PLXNA2: variants seen among roughly 807,000 people sequenced by gnomAD.
PLXNA2 encodes plexin-A2.
A neutral mutation model predicts 193.5 loss-of-function variants in PLXNA2; 91 were observed. That is an observed-to-expected ratio of 0.47 (90% CI 0.40 to 0.56). The LOEUF (loss-of-function observed/expected upper bound fraction) is 0.56. Among genes scored for constraint, PLXNA2 ranks in the 20% least tolerant of loss-of-function variants. The pLI is 0.00. For synonymous variants in PLXNA2, 997 were observed against 1,027.3 expected (o/e 0.97, Z 0.56); for missense variants, 1,995 against 2,503.2 (o/e 0.80, Z 4.33).
chr1:208,059,030 G>A (rs543133060), intron 13 of PLXNA2, among the ~76,000 whole-genome samples: 1 of 152,240 alleles, frequency 6.6e-6, no homozygotes, highest in East Asian at 1.9e-4. Context: ...CCATACCCTA[G>A]CCCTTTCCTT....
chr1:208,178,694 TG>T (rs1218774817), intron 3 of PLXNA2, among the ~76,000 whole-genome samples: 1 of 152,196 alleles, frequency 6.6e-6, no homozygotes, highest in Non-Finnish European at 1.5e-5. Flanking sequence ...TCCAGGAGGA[TG>T]CGAGGAGAAG....
intron 3 of PLXNA2, among the ~76,000 whole-genome samples, chr1:208,180,932 G>C (rs1488736666): frequency 2.0e-5 from 3 of 152,250 alleles, no homozygotes; most frequent in Admixed American, 1.3e-4. Flanking sequence ...GTCTCCCCCT[G>C]CCCAAGTTTG....
chr1:208,035,930 T>G (rs1469751244), intron 26 of PLXNA2, among the ~76,000 whole-genome samples: 1 of 152,160 alleles, frequency 6.6e-6, no homozygotes, highest in Non-Finnish European at 1.5e-5. Context: ...GCCTGGGAAG[T>G]TTTTTAACAT....
At chr1:208,030,518 AC>A in intron 29 of PLXNA2, 1 of 985,188 alleles carries the variant, frequency 1.0e-6, no homozygotes, top group Non-Finnish European at 1.2e-6. Flanking sequence ...CCCCAGGGCC[AC>A]CCCAGCCTGT....
At chr1:208,196,850 C>A (rs928949772) in intron 3 of PLXNA2, among the ~76,000 whole-genome samples, 1 of 151,922 alleles carries the variant, frequency 6.6e-6, no homozygotes, top group African/African-American at 2.4e-5. Flanking sequence ...GTGGCAAGGG[C>A]GGGGGTAGAT....
intron 13 of PLXNA2, among the ~76,000 whole-genome samples, chr1:208,055,611 AG>A (rs1665405249): frequency 6.6e-6 from 1 of 152,176 alleles, no homozygotes; most frequent in African/African-American, 2.4e-5. Flanking sequence ...GTGGGGAGTC[AG>A]AAAAACAGAC....
chr1:208,068,905 C>G (rs1186833943), intron 12 of PLXNA2, among the ~76,000 whole-genome samples: 1 of 152,216 alleles, frequency 6.6e-6, no homozygotes, highest in Non-Finnish European at 1.5e-5. Flanking sequence ...TGTGTTATTA[C>G]TTGGCCTTAA....
At chr1:208,132,906 C>T (rs1668201184) in intron 4 of PLXNA2, among the ~76,000 whole-genome samples, 1 of 152,090 alleles carries the variant, frequency 6.6e-6, no homozygotes, top group South Asian at 2.1e-4. Context: ...AGCAACTTGC[C>T]CAAGGTCACA....
intron 1 of PLXNA2, among the ~76,000 whole-genome samples, chr1:208,222,948 C>T (rs547276011): frequency 6.6e-6 from 1 of 152,270 alleles, no homozygotes; most frequent in South Asian, 2.1e-4. Context: ...CTGGAGCTGA[C>T]AGTTTTCATA....
At chr1:208,216,571 C>T (rs537165095) in intron 2 of PLXNA2, among the ~76,000 whole-genome samples, 164 bp downstream of exon 2, 11 of 152,328 alleles carry the variant, frequency 7.2e-5, no homozygotes, top group East Asian at 1.9e-4. Flanking sequence ...ATCTGGTGTA[C>T]GTAAGACCCT....
rs777914130 is a variant in PLXNA2, at chr1:208,121,053, C to T, written c.1507-17806G>A. ...TTGTTACTCATTCCTTAGCAGTAGACGCTTAATAACCGAAAAAGTAAAACA... is the reference window on the plus strand; with the variant it reads ...TTGTTACTCATTCCTTAGCAGTAGATGCTTAATAACCGAAAAAGTAAAACA... On this transcript the variant is annotated intron_variant, in intron 4 of 31. Transcript: ENST00000367033. Among the ~76,000 whole-genome samples, 29 of 152,272 alleles carry T rather than the reference C, an allele frequency of 1.9e-4. 1 individual carries two copies. Among genetic ancestry groups the T allele is most frequent in the Non-Finnish European group, 3.5e-4 (24 of 68,026 alleles).
chr1:208,146,944 G>A (rs1668620903), intron 3 of PLXNA2, among the ~76,000 whole-genome samples: 1 of 152,192 alleles, frequency 6.6e-6, no homozygotes. Context: ...GCTTGGACAA[G>A]GCTCAGCAGC....
intron 3 of PLXNA2, among the ~76,000 whole-genome samples, chr1:208,185,442 C>G (rs1425392807): frequency 6.6e-6 from 1 of 152,054 alleles, no homozygotes; most frequent in African/African-American, 2.4e-5. Flanking sequence ...CTATATATAT[C>G]TTTTCTTCTA....
chr1:208,173,332 A>G (rs962251421), intron 3 of PLXNA2, among the ~76,000 whole-genome samples: 2 of 152,218 alleles, frequency 1.3e-5, no homozygotes, highest in African/African-American at 4.8e-5. Flanking sequence ...AAAAGTCTGC[A>G]GTTCTATTTC....
intron 12 of PLXNA2, among the ~76,000 whole-genome samples, chr1:208,074,332 C>T (rs539791531): frequency 3.8e-4 from 58 of 152,324 alleles, no homozygotes; most frequent in African/African-American, 1.3e-3. Flanking sequence ...TGCACGTCTC[C>T]TGTTCCTAGG....
chr1:208,035,647 A>C (rs998567717), intron 26 of PLXNA2, among the ~76,000 whole-genome samples: 3 of 152,256 alleles, frequency 2.0e-5, no homozygotes, highest in African/African-American at 7.2e-5. Context: ...CAGAGGGAAT[A>C]AAACAGCTAT....
rs1287207073 is a variant in PLXNA2, at chr1:208,045,897, C to T, written c.3476G>A (p.Gly1159Glu). The change falls in exon 18 of 32, where the codon GGA (glycine) becomes GAA (glutamate). Residue 1159 changes from glycine to glutamate, a missense_variant. Around this residue, in one of 3 missense-constraint regions of PLXNA2, gnomAD observed 1,291 missense variants for 1,673.6 expected, o/e 0.77. Transcript: ENST00000367033. ...SPTGVLDQKP[G>E]SPIILKGKNL... is the part of the protein sequence containing the mutation. ...TCCTACCTTCAGAATGATGGGCGAT[C>T]CTGGCTTTTGATCCAAGACTCCAGT... 2 of 1,614,138 alleles carry T rather than the reference C, an allele frequency of 1.2e-6. No homozygotes were observed. The highest frequency in any genetic ancestry group is 1.3e-5 in the African/African-American group (1 of 74,946).
In PLXNA2 at chr1:208,033,378, C is replaced by T; in HGVS notation, c.4996G>A (p.Gly1666Ser). 1.2e-6 allele frequency: 2 copies of T among 1,614,164 alleles called. No individual in the cohort carries two copies. The highest frequency in any genetic ancestry group is 1.7e-6 in the Non-Finnish European group (2 of 1,180,000). ...GACACCATCTTGCTGCCCCGGTCAC[C>T]CTCCTTCTGGTCACCGTGGTCATGG... ...KNHDHGDQKE[G>S]DRGSKMVSEI... Residue 1666 changes from glycine (G) to serine (S), a missense_variant, in exon 28 of 32, where the codon GGT becomes AGT. Transcript: ENST00000367033.
At position 208,217,540 on chromosome 1, in the gene PLXNA2, G is replaced by A; in HGVS notation, c.383C>T (p.Ala128Val). ...IIDYSENRLLACGSLYQGVCK... is the reference protein window; with the variant it reads ...IIDYSENRLLVCGSLYQGVCK... ...GACCCCCTGGTAGAGGCTCCCACAGGCCAGCAGGCGGTTCTCAGAGTAGTC... is the reference window on the plus strand; with the variant it reads ...GACCCCCTGGTAGAGGCTCCCACAGACCAGCAGGCGGTTCTCAGAGTAGTC... The change falls in exon 2 of 32, where the codon GCC becomes GTC. Residue 128 changes from alanine to valine, a missense_variant. Ala to Val is a moderately conservative substitution (Grantham distance 64). This residue lies in a region of PLXNA2 where 702 missense variants were observed against 812.9 expected (regional missense o/e 0.86). Coordinates refer to ENST00000367033, the MANE Select transcript of PLXNA2 (RefSeq NM_025179.4). The surrounding 1 kb of genome is among the most constrained non-coding windows in gnomAD (Gnocchi z 4.7). 6.2e-7 allele frequency: 1 copy of A among 1,614,218 alleles called. No homozygotes were observed. Among genetic ancestry groups the A allele is most frequent in the South Asian group, 1.1e-5 (1 of 91,082 alleles).
Sources: allele counts gnomAD v4.1 joint callset (sites outside exome capture counted in the v4.1 genomes callset), GRCh38; gene constraint gnomAD v4.1.1; regional missense constraint gnomAD v4.1.1; non-coding constraint Gnocchi (gnomAD v3.1); transcripts MANE v1.5; gene names NCBI Gene and HGNC (gene_info 2026-07-23, HGNC 2026-07-21).